The following ZBTB16 variants were observed in gnomAD, a reference collection of about 807,000 sequenced individuals.
ZBTB16 encodes zinc finger and BTB domain-containing protein 16.
A neutral mutation model predicts 56.8 loss-of-function variants in ZBTB16; 8 were observed. The observed-to-expected ratio is 0.14, with a 90% CI of 0.08 to 0.25. The LOEUF (loss-of-function observed/expected upper bound fraction) is 0.25, where lower values mean the gene tolerates loss of function less well. Among genes scored for constraint, ZBTB16 ranks in the 10% least tolerant of loss-of-function variants. The pLI, the probability that ZBTB16 is intolerant of heterozygous loss-of-function variation, is 1.00. For missense variants in ZBTB16, 625 were observed against 903.0 expected, an observed-to-expected ratio of 0.69 and a Z score of 3.95; for synonymous variants, 363 against 368.5, an observed-to-expected ratio of 0.98 and a Z score of 0.17.
chr11:114,179,678 T>C (rs1943200497), intron 3 of ZBTB16, among the ~76,000 whole-genome samples: 1 of 152,168 alleles, frequency 6.6e-6, no homozygotes. Flanking sequence ...TTCTTATTAT[T>C]AGCATGGGGG....
chr11:114,201,640 G>A (rs2135105107), intron 4 of ZBTB16, among the ~76,000 whole-genome samples: 1 of 152,298 alleles, frequency 6.6e-6, no homozygotes, highest in African/African-American at 2.4e-5. Context: ...TGATGGTATG[G>A]AAAGATGTCC....
chr11:114,132,710 C>G (rs1424390451), intron 2 of ZBTB16, among the ~76,000 whole-genome samples: 1 of 152,202 alleles, frequency 6.6e-6, no homozygotes, highest in Non-Finnish European at 1.5e-5. Context: ...TTGAGTCCAT[C>G]TCGAGCATTG....
intron 2 of ZBTB16, among the ~76,000 whole-genome samples, chr11:114,136,665 A>C (rs1483212450): frequency 2.0e-5 from 3 of 152,088 alleles, no homozygotes; most frequent in Non-Finnish European, 4.4e-5. Flanking sequence ...GAGATGAATG[A>C]AAGTCATCAT....
chr11:114,102,591 A>T (rs1188652657), intron 2 of ZBTB16, among the ~76,000 whole-genome samples: 1 of 133,416 alleles, frequency 7.5e-6, no homozygotes, highest in Non-Finnish European at 1.5e-5. Flanking sequence ...CTGGGAAGTG[A>T]ATCTATTGGG....
In ZBTB16 at chr11:114,063,673, A is replaced by G; in HGVS notation, c.373A>G (p.Ile125Val). The G allele has an allele frequency of 2.5e-6, 4 of 1,614,084 alleles. No individual in the cohort carries two copies. Among genetic ancestry groups the G allele is most frequent in the Non-Finnish European group, 3.4e-6 (4 of 1,180,042 alleles). The change falls in exon 2 of 7, where the codon ATC becomes GTC. Residue 125 changes from isoleucine to valine, a missense_variant. This residue lies in a region of ZBTB16 where 384 missense variants were observed against 393.5 expected (regional missense o/e 0.98). Transcript: ENST00000335953. The surrounding 1 kb of genome is among the most constrained non-coding windows in gnomAD (Gnocchi z 6.5). The stretch of plus-strand genomic sequence containing the variant: ...ACAGTGCCTGAAGATGCTGGAGACC[A>G]TCCAGGCCTCAGACGACAATGACAC... ...EEQCLKMLET[I>V]QASDDNDTEA... is the part of the protein sequence containing the mutation.
chr11:114,184,610 A>G (rs1208613128), intron 3 of ZBTB16, among the ~76,000 whole-genome samples: 1 of 152,146 alleles, frequency 6.6e-6, no homozygotes, highest in East Asian at 1.9e-4. Flanking sequence ...TATGTCAACC[A>G]CTGTGTGGCA....
At chr11:114,236,282 G>A (rs1474866172) in intron 4 of ZBTB16, among the ~76,000 whole-genome samples, 2 of 152,184 alleles carry the variant, frequency 1.3e-5, no homozygotes, top group African/African-American at 2.4e-5. Flanking sequence ...GTTGGAAAGG[G>A]CAGGTTAGTT....
Position 114,121,937 on chromosome 11 carries a change from G to A in ZBTB16, c.1269-34400G>A, listed in dbSNP as rs1941358454. On this transcript the variant is annotated intron_variant, in intron 2 of 6. Transcript: ENST00000335953. ...TTGGTAAGTTTGGCTGCAAGGTACT[G>A]GCTGTCCTCTAAGACACTTCCTGAG... 4 of 435,886 alleles carry A rather than the reference G, an allele frequency of 9.2e-6. No homozygotes were observed. In the Admixed American group the frequency reaches 1.0e-4, roughly 11 times the overall value. 27.0% of individuals were successfully genotyped at this position (435,886 alleles called of 1,614,324 possible). A position where few individuals can be genotyped will look rare whatever the true frequency, so the allele number is the denominator to read the frequency against.
chr11:114,161,709 GA>G (rs1291932802), intron 3 of ZBTB16, among the ~76,000 whole-genome samples: 2 of 152,198 alleles, frequency 1.3e-5, no homozygotes, highest in African/African-American at 4.8e-5. Context: ...TCTGTGGAAG[GA>G]ATAGCAAAAT....
chr11:114,235,841 G>C (rs1464801536), intron 4 of ZBTB16, among the ~76,000 whole-genome samples: 2 of 119,174 alleles, frequency 1.7e-5, no homozygotes, highest in African/African-American at 6.4e-5. Flanking sequence ...GGAAGACTTT[G>C]AGTCATACAT....
chr11:114,217,574 GA>G (rs1944133557), intron 4 of ZBTB16, among the ~76,000 whole-genome samples: 1 of 152,170 alleles, frequency 6.6e-6, no homozygotes, highest in Admixed American at 6.5e-5. Flanking sequence ...TTCAGGTTTG[GA>G]TATTCAGGTT....
At chr11:114,076,144 G>A (rs1359853666) in intron 2 of ZBTB16, among the ~76,000 whole-genome samples, 1 of 152,194 alleles carries the variant, frequency 6.6e-6, no homozygotes. Flanking sequence ...GAAAAGAGGG[G>A]CCGCTGGGGG....
rs1026745285 is a variant in ZBTB16, at chr11:114,078,677, G to GA, written c.1268+14112dup. Among the ~76,000 whole-genome samples the GA allele has an allele frequency of 5.9e-5, 9 of 152,112 alleles. No homozygotes were observed. In the South Asian group the frequency reaches 1.0e-3, roughly 18 times the overall value. On this transcript the variant is annotated intron_variant, in intron 2 of 6. Transcript: ENST00000335953. ...AAGTCCAAGAGATGCTAAAGATAGT[G>GA]AAATACAGCCCAGGAATTGAGGGGG...
chr11:114,199,438 A>G (rs686494), intron 4 of ZBTB16, among the ~76,000 whole-genome samples: 126,566 of 151,744 alleles, frequency 0.83, 53,207 homozygotes, highest in African/African-American at 0.94. Flanking sequence ...TGGGGATGCC[A>G]GCCATGGATG....
intron 4 of ZBTB16, among the ~76,000 whole-genome samples, chr11:114,232,673 C>T (rs1158372091): frequency 9.3e-6 from 1 of 108,022 alleles, no homozygotes; most frequent in Non-Finnish European, 1.9e-5. Flanking sequence ...CTGCAAGCTG[C>T]CCTTCTCCTC....
intron 6 of ZBTB16, 141 bp downstream of exon 6, chr11:114,247,506 T>C (rs1944838886): frequency 8.0e-7 from 1 of 1,256,702 alleles, no homozygotes; most frequent in Non-Finnish European, 1.1e-6. Flanking sequence ...AGAGCTGGTA[T>C]GGTGGCCTGA....
intron 2 of ZBTB16, among the ~76,000 whole-genome samples, chr11:114,128,116 T>C (rs1941561258): frequency 6.6e-6 from 1 of 152,202 alleles, no homozygotes; most frequent in African/African-American, 2.4e-5. Flanking sequence ...AATCTCTGTC[T>C]CTCTGGGAAC....
chr11:114,127,417 C>T (rs1000380306), intron 2 of ZBTB16, among the ~76,000 whole-genome samples: 1 of 152,162 alleles, frequency 6.6e-6, no homozygotes, highest in Non-Finnish European at 1.5e-5. Context: ...AAATAAGCCC[C>T]CTCAGATAAT....
chr11:114,072,894 T>C (rs1298625974), intron 2 of ZBTB16, among the ~76,000 whole-genome samples: 1 of 151,338 alleles, frequency 6.6e-6, no homozygotes, highest in East Asian at 1.9e-4. Context: ...CTACTAAAAA[T>C]ACAAAAAATT....
Sources: allele counts gnomAD v4.1 joint callset (sites outside exome capture counted in the v4.1 genomes callset), GRCh38; gene constraint gnomAD v4.1.1; regional missense constraint gnomAD v4.1.1; non-coding constraint Gnocchi (gnomAD v3.1); transcripts MANE v1.5; gene names NCBI Gene and HGNC (gene_info 2026-07-23, HGNC 2026-07-21).